The following MARCHF3 variants were observed in gnomAD, a reference collection of about 807,000 sequenced individuals.
MARCHF3 encodes the protein E3 ubiquitin-protein ligase MARCHF3.
In MARCHF3, 13 loss-of-function variants were observed where a neutral mutation model predicts 24.2. That is an observed-to-expected ratio of 0.54 (90% CI 0.35 to 0.85). The LOEUF (loss-of-function observed/expected upper bound fraction) is 0.85. MARCHF3 is among the 40% of genes least tolerant of loss of function. MARCHF3 has a pLI of 0.01. For synonymous variants in MARCHF3, 144 were observed against 137.3 expected (o/e 1.05, Z -0.34); for missense variants, 276 against 325.0 (o/e 0.85, Z 1.16).
intron 3 of MARCHF3, among the ~76,000 whole-genome samples, chr5:126,896,054 T>C (rs1350885220): frequency 3.3e-5 from 5 of 152,154 alleles, no homozygotes; most frequent in Non-Finnish European, 7.3e-5. Flanking sequence ...AGTATTCCGG[T>C]GGGAGTGACC....
chr5:126,986,284 A>G (rs1455434579), intron 1 of MARCHF3, among the ~76,000 whole-genome samples: 1 of 152,226 alleles, frequency 6.6e-6, no homozygotes. Context: ...AAGTAGCATC[A>G]AAAGTGGGCA....
intron 1 of MARCHF3, among the ~76,000 whole-genome samples, chr5:126,987,962 C>T (rs1219764146): frequency 3.3e-5 from 5 of 152,078 alleles, no homozygotes; most frequent in Admixed American, 1.3e-4. Flanking sequence ...ATTAACATTA[C>T]GGGAAGCCGC....
chr5:127,021,833 T>C (rs1752815017), intron 1 of MARCHF3, among the ~76,000 whole-genome samples: 1 of 152,124 alleles, frequency 6.6e-6, no homozygotes, highest in South Asian at 2.1e-4. Flanking sequence ...AAGTGACAAA[T>C]GTTGACATTA....
At chr5:126,890,469 G>A (rs1233520020) in intron 3 of MARCHF3, among the ~76,000 whole-genome samples, 1 of 128,798 alleles carries the variant, frequency 7.8e-6, no homozygotes, top group Admixed American at 9.5e-5. Flanking sequence ...CCCAGACTGT[G>A]ATATTCCCCT....
At chr5:127,019,191 C>T (rs1014006317) in intron 1 of MARCHF3, among the ~76,000 whole-genome samples, 1 of 152,130 alleles carries the variant, frequency 6.6e-6, no homozygotes, top group African/African-American at 2.4e-5. Context: ...ATTCCTCTGT[C>T]CTTAATTAGT....
intron 1 of MARCHF3, among the ~76,000 whole-genome samples, chr5:126,938,531 G>GGCAAAAAAA (rs563106094): frequency 2.7e-5 from 4 of 149,164 alleles, no homozygotes; most frequent in African/African-American, 4.9e-5. Context: ...TAACATGTAG[G>GGCAAAAAAA]GCAAAAAAAG....
At chr5:126,957,396 C>A (rs1251546095) in intron 1 of MARCHF3, among the ~76,000 whole-genome samples, 2 of 152,092 alleles carry the variant, frequency 1.3e-5, no homozygotes, top group Non-Finnish European at 2.9e-5. Flanking sequence ...ATCATTTTTT[C>A]TGCAGTCTCT....
intron 3 of MARCHF3, among the ~76,000 whole-genome samples, chr5:126,883,709 G>C (rs1753413204): frequency 6.6e-6 from 1 of 152,118 alleles, no homozygotes. Flanking sequence ...TGGGGAAGAG[G>C]GGGTGCCAGA....
At chr5:126,913,702 T>C (rs547000957) in intron 3 of MARCHF3, among the ~76,000 whole-genome samples, 7 of 152,384 alleles carry the variant, frequency 4.6e-5, no homozygotes, top group Non-Finnish European at 1.0e-4. Flanking sequence ...TTATAGGTCT[T>C]GATTTAATTT....
At chr5:127,029,539 ACG>A (rs1478615670) in intron 1 of MARCHF3, among the ~76,000 whole-genome samples, 1 of 152,116 alleles carries the variant, frequency 6.6e-6, no homozygotes, top group Non-Finnish European at 1.5e-5. Flanking sequence ...CGAGTCACAA[ACG>A]GAGTGTCAGG....
At position 126,901,469 on chromosome 5, in the gene MARCHF3, A is replaced by C. The variant is rs762876565; in HGVS notation, c.393+13461T>G. Among the ~76,000 whole-genome samples, 66 of 152,078 alleles carry C rather than the reference A, an allele frequency of 4.3e-4. 1 individual carries two copies. The highest frequency in any genetic ancestry group is 1.1e-3 in the Admixed American group (17 of 15,214). On this transcript the variant is annotated intron_variant, in intron 3 of 4. Transcript: ENST00000308660. ...AGCAGGTCTCATTCAGTGAATAAAC[A>C]ACCACCGATCTCCCTGTGCCTAACT... is the stretch of plus-strand genomic sequence containing the variant.
chr5:126,966,905 C>CTTTTTTTTTT (rs779454094), intron 1 of MARCHF3, among the ~76,000 whole-genome samples: 7 of 4,496 alleles, frequency 1.6e-3, no homozygotes, highest in African/African-American at 2.1e-3. Context: ...CTGTGAGAGC[C>CTTTTTTTTTT]TTTTTTTTTT....
chr5:126,898,976 TA>T, intron 3 of MARCHF3: 1 of 985,202 alleles, frequency 1.0e-6, no homozygotes, highest in Non-Finnish European at 1.2e-6. Context: ...GTATCCAAAC[TA>T]AAAGCTTCAA....
At chr5:126,901,518 C>T (rs1200825166) in intron 3 of MARCHF3, among the ~76,000 whole-genome samples, 3 of 152,080 alleles carry the variant, frequency 2.0e-5, no homozygotes, top group Non-Finnish European at 4.4e-5. Context: ...TCTGCTCACT[C>T]GTTTACAACT....
At chr5:126,999,578 C>T (rs1342519356) in intron 1 of MARCHF3, among the ~76,000 whole-genome samples, 1 of 152,216 alleles carries the variant, frequency 6.6e-6, no homozygotes, top group Non-Finnish European at 1.5e-5. Context: ...AATCCAGTTG[C>T]ATTGCAGTAA....
chr5:127,020,798 G>A (rs973967779), intron 1 of MARCHF3, among the ~76,000 whole-genome samples: 8 of 152,008 alleles, frequency 5.3e-5, no homozygotes, highest in African/African-American at 1.2e-4. Flanking sequence ...CTGCAGAGCC[G>A]AGACTGTGCC....
Position 126,870,693 on chromosome 5 carries a change from G to T in MARCHF3, c.702C>A (p.Asn234Lys), listed in dbSNP as rs757847460. 6.2e-7 allele frequency: 1 copy of T among 1,614,180 alleles called. No homozygotes were observed. The highest frequency in any genetic ancestry group is 8.5e-7 in the Non-Finnish European group (1 of 1,180,004). The change falls in exon 5 of 5, where the codon AAC becomes AAA. Residue 234 changes from asparagine to lysine, a missense_variant. Transcript: ENST00000308660. Reference protein sequence around the residue: ...LIPKSVNVPSNQPSLLGLHSV... With the variant: ...LIPKSVNVPSKQPSLLGLHSV... ...AATGGAGGCCCAGCAAGGACGGCTG[G>T]TTAGAAGGTACATTGACAGACTTTG...
At chr5:126,979,024 C>G (rs758187148) in intron 1 of MARCHF3, among the ~76,000 whole-genome samples, 18 of 152,192 alleles carry the variant, frequency 1.2e-4, no homozygotes, top group Non-Finnish European at 2.4e-4. Flanking sequence ...CTTTTGTTAC[C>G]TCTATCATAT....
At chr5:126,954,199 A>AT (rs750262766) in intron 1 of MARCHF3, among the ~76,000 whole-genome samples, 8,471 of 114,044 alleles carry the variant, frequency 0.074, 616 homozygotes, top group African/African-American at 0.19. Context: ...CGCCCGGCTA[A>AT]TTTTTTTTTT....
Sources: allele counts gnomAD v4.1 joint callset (sites outside exome capture counted in the v4.1 genomes callset), GRCh38; gene constraint gnomAD v4.1.1; transcripts MANE v1.5; gene names NCBI Gene and HGNC (gene_info 2026-07-23, HGNC 2026-07-21).